Variants in WDR72 observed in about 807,000 individuals in gnomAD.
WDR72 encodes the protein WD repeat domain 72.
A neutral mutation model predicts 124.2 loss-of-function variants in WDR72; 120 were observed. The ratio of observed to expected loss-of-function variants is 0.97; its 90% CI spans 0.83 to 1.12. WDR72 has a LOEUF of 1.12. Among genes scored for constraint, WDR72 ranks in the 50% most tolerant of loss-of-function variants. WDR72 has a pLI of 0.00. For synonymous variants in WDR72, 452 were observed against 441.7 expected, an observed-to-expected ratio of 1.02 and a Z score of -0.29; for missense variants, 1,387 against 1,278.8, an observed-to-expected ratio of 1.08 and a Z score of -1.29.
At chr15:53,613,530 A>C (rs1346966922) in intron 16 of WDR72, 136 bp downstream of exon 16, 3 of 660,024 alleles carry the variant, frequency 4.5e-6, no homozygotes, top group Admixed American at 2.4e-5. Context: ...CAGCTAGTGT[A>C]ATCACAAACA....
In WDR72 at chr15:53,606,856, T is replaced by A. The variant is rs369370424; in HGVS notation, c.2952+2657A>T. On this transcript the variant is annotated intron_variant, in intron 17 of 19. Coordinates refer to ENST00000360509, the MANE Select transcript of WDR72 (RefSeq NM_182758.4). ...ATAGGAGGTGGCAAATGATGACAGA[T>A]GTGGTCAGGCTGGGGAAAAAATCAC... Among the ~76,000 whole-genome samples the A allele has an allele frequency of 4.6e-4, 70 of 152,252 alleles. 4 individuals carry two copies. In the East Asian group the frequency reaches 5.2e-3, roughly 11 times the overall value.
intron 18 of WDR72, among the ~76,000 whole-genome samples, chr15:53,566,833 T>A (rs1303849465): frequency 6.6e-6 from 1 of 151,986 alleles, no homozygotes; most frequent in Non-Finnish European, 1.5e-5. Flanking sequence ...GTAAAAGTAA[T>A]ATTCATGAAA....
chr15:53,727,002 G>GT, intron 2 of WDR72, among the ~76,000 whole-genome samples: 1 of 152,058 alleles, frequency 6.6e-6, no homozygotes, highest in East Asian at 1.9e-4. Flanking sequence ...GATGGAGAAA[G>GT]TTGTCAATAA....
At chr15:53,727,048 A>T (rs1386409200) in intron 2 of WDR72, among the ~76,000 whole-genome samples, 1 of 152,074 alleles carries the variant, frequency 6.6e-6, no homozygotes, top group Non-Finnish European at 1.5e-5. Context: ...TCGGTGGCTC[A>T]TGCCTGTAAT....
intron 3 of WDR72, among the ~76,000 whole-genome samples, chr15:53,717,583 A>C: frequency 6.6e-6 from 1 of 152,096 alleles, no homozygotes; most frequent in East Asian, 1.9e-4. Context: ...CAATTTTGCT[A>C]CCCCTTATTC....
At chr15:53,731,579 G>A (rs1227092118) in intron 2 of WDR72, among the ~76,000 whole-genome samples, 1 of 151,224 alleles carries the variant, frequency 6.6e-6, no homozygotes, top group Non-Finnish European at 1.5e-5. Context: ...GAGGAAAATT[G>A]CTCCCTGTAA....
chr15:53,721,054 C>T (rs2140573329), intron 3 of WDR72, among the ~76,000 whole-genome samples: 1 of 152,182 alleles, frequency 6.6e-6, no homozygotes, highest in East Asian at 1.9e-4. Context: ...TTAAGACTTG[C>T]TAAGAACACA....
At chr15:53,667,959 C>A (rs1324542340) in intron 13 of WDR72, among the ~76,000 whole-genome samples, 1 of 152,128 alleles carries the variant, frequency 6.6e-6, no homozygotes, top group Admixed American at 6.6e-5. Context: ...GATAATTAAT[C>A]TGTCTGAGCA....
At chr15:53,521,375 AGTG>A (rs1295537150) in intron 19 of WDR72, among the ~76,000 whole-genome samples, 1 of 152,092 alleles carries the variant, frequency 6.6e-6, no homozygotes, top group Non-Finnish European at 1.5e-5. Context: ...ACAAATTCTC[AGTG>A]GAAGGCAGTG....
At chr15:53,732,506 TTTAGAGCA>T (rs754773171) in intron 2 of WDR72, among the ~76,000 whole-genome samples, 23 of 152,154 alleles carry the variant, frequency 1.5e-4, no homozygotes, top group Non-Finnish European at 2.9e-4. Context: ...GTAAATTGGA[TTTAGAGCA>T]TTTTGATGTG....
intron 18 of WDR72, among the ~76,000 whole-genome samples, chr15:53,533,289 T>C (rs1248681383): frequency 6.6e-6 from 1 of 152,152 alleles, no homozygotes; most frequent in Non-Finnish European, 1.5e-5. Flanking sequence ...AGTCTGAAAG[T>C]AAATCTGAAG....
intron 14 of WDR72, among the ~76,000 whole-genome samples, chr15:53,645,967 A>G (rs2015026639): frequency 6.6e-6 from 1 of 152,152 alleles, no homozygotes; most frequent in Admixed American, 6.6e-5. Context: ...ACCTTTAAAC[A>G]AGAGGCATGA....
chr15:53,726,177 A>AAT (rs34029897), intron 2 of WDR72, among the ~76,000 whole-genome samples: 48,158 of 140,048 alleles, frequency 0.34, 8,601 homozygotes, highest in Middle Eastern at 0.47. Context: ...AATTGGTTGT[A>AAT]ATATATATAT....
chr15:53,560,935 T>C (rs1894103194), intron 18 of WDR72, among the ~76,000 whole-genome samples: 1 of 151,718 alleles, frequency 6.6e-6, no homozygotes, highest in South Asian at 2.1e-4. Context: ...TTTAAAAACA[T>C]TATATTCTTC....
chr15:53,680,986 C>T (rs1227262614), intron 13 of WDR72, among the ~76,000 whole-genome samples: 1 of 152,234 alleles, frequency 6.6e-6, no homozygotes, highest in Non-Finnish European at 1.5e-5. Context: ...ATTCTCTGCT[C>T]ACCACTCCCA....
chr15:53,594,243 C>CCAT (rs1184831003), intron 18 of WDR72, among the ~76,000 whole-genome samples: 1 of 151,534 alleles, frequency 6.6e-6, no homozygotes, highest in Admixed American at 6.6e-5. Flanking sequence ...TATAGCAAAA[C>CCAT]CATCATCTTT....
At chr15:53,603,903 C>A (rs182934929) in intron 17 of WDR72, among the ~76,000 whole-genome samples, 1 of 152,098 alleles carries the variant, frequency 6.6e-6, no homozygotes, top group Non-Finnish European at 1.5e-5. Flanking sequence ...AATGGCCATA[C>A]TGCCTAGCAA....
chr15:53,545,167 A>G (rs1201283988), intron 18 of WDR72, among the ~76,000 whole-genome samples: 1 of 151,200 alleles, frequency 6.6e-6, no homozygotes, highest in Non-Finnish European at 1.5e-5. Context: ...AACTACTTTA[A>G]AGTTCATGTG....
intron 9 of WDR72, among the ~76,000 whole-genome samples, chr15:53,706,931 T>C (rs8037775): frequency 0.26 from 40,007 of 151,966 alleles, 6,992 homozygotes; most frequent in East Asian, 0.49. Flanking sequence ...CACCAGCGTT[T>C]TTAAAGCTAT....
Sources: gnomAD v4.1 joint callset for allele counts (sites outside exome capture counted in the v4.1 genomes callset) on GRCh38, gnomAD v4.1.1 for gene constraint, MANE v1.5 for transcripts, NCBI Gene and HGNC (gene_info 2026-07-23, HGNC 2026-07-21) for gene names.